The following TOGARAM1 variants were observed in gnomAD, a reference collection of about 807,000 sequenced individuals.
The protein encoded by TOGARAM1 is TOG array regulator of axonemal microtubules 1, also known as TOG array regulator of axonemal microtubules protein 1.
Under a neutral mutation model 166.6 loss-of-function variants are expected in TOGARAM1, and 100 were observed. The ratio of observed to expected loss-of-function variants is 0.60; its 90% CI spans 0.51 to 0.71. The LOEUF (loss-of-function observed/expected upper bound fraction) is 0.71, where lower values mean the gene tolerates loss of function less well. Among genes scored for constraint, TOGARAM1 ranks in the 30% least tolerant of loss-of-function variants. The pLI, the probability that TOGARAM1 is intolerant of heterozygous loss-of-function variation, is 0.00. For synonymous variants in TOGARAM1, 758 were observed against 763.8 expected, an observed-to-expected ratio of 0.99 and a Z score of 0.13; for missense variants, 2,029 against 2,102.7, an observed-to-expected ratio of 0.96 and a Z score of 0.69.
chr14:45,049,221 G>C (rs1882237525), intron 14 of TOGARAM1, among the ~76,000 whole-genome samples: 1 of 151,580 alleles, frequency 6.6e-6, no homozygotes. Flanking sequence ...CCCTTCATAG[G>C]ATCTTTCAGA....
chr14:44,988,644 T>A (rs1886979815), intron 1 of TOGARAM1, among the ~76,000 whole-genome samples: 1 of 152,242 alleles, frequency 6.6e-6, no homozygotes, highest in Non-Finnish European at 1.5e-5. Context: ...ATTCTTCCTT[T>A]GAAGAGTTGG....
At chr14:45,023,037 G>A (rs915418529) in intron 7 of TOGARAM1, 6 of 152,192 alleles carry the variant, frequency 3.9e-5, no homozygotes, top group African/African-American at 1.4e-4. Context: ...TCTAGTGCCT[G>A]ACTGAGGGCT....
chr14:45,044,997 A>G, intron 13 of TOGARAM1, 127 bp downstream of exon 13: 1 of 633,924 alleles, frequency 1.6e-6, no homozygotes, highest in Non-Finnish European at 2.6e-6. Flanking sequence ...AAAAGTTCCT[A>G]TGAGATAAAC....
intron 15 of TOGARAM1, among the ~76,000 whole-genome samples, chr14:45,053,257 T>C (rs1030409200): frequency 5.9e-5 from 9 of 152,184 alleles, no homozygotes; most frequent in South Asian, 2.1e-4. Flanking sequence ...GCCAGGCTTG[T>C]CTTGAACTCC....
At chr14:45,056,384 A>T (rs965150861) in intron 16 of TOGARAM1, among the ~76,000 whole-genome samples, 2 of 152,052 alleles carry the variant, frequency 1.3e-5, no homozygotes, top group African/African-American at 2.4e-5. Context: ...TGATTACTTT[A>T]TCTAGGACTT....
intron 1 of TOGARAM1, among the ~76,000 whole-genome samples, chr14:44,969,145 C>CCTTCCTTTCTTTCTTT (rs368091743): frequency 8.6e-6 from 1 of 116,298 alleles, no homozygotes; most frequent in Non-Finnish European, 1.7e-5. Flanking sequence ...TTCCTTCCTT[C>CCTTCCTTTCTTTCTTT]CTTTCTTTCT....
At chr14:45,066,030 TG>T (rs1309033215) in intron 16 of TOGARAM1, among the ~76,000 whole-genome samples, 1 of 152,202 alleles carries the variant, frequency 6.6e-6, no homozygotes, top group Non-Finnish European at 1.5e-5. Context: ...CTAAATTGTT[TG>T]GGCAAACAAT....
chr14:44,991,641 A>G (rs1443520113), intron 1 of TOGARAM1, among the ~76,000 whole-genome samples: 1 of 152,218 alleles, frequency 6.6e-6, no homozygotes, highest in Admixed American at 6.5e-5. Context: ...GTAAGGAACT[A>G]TGAGTCTAAA....
At chr14:45,004,803 G>A (rs1219361546) in intron 4 of TOGARAM1, among the ~76,000 whole-genome samples, 1 of 151,976 alleles carries the variant, frequency 6.6e-6, no homozygotes, top group African/African-American at 2.4e-5. Context: ...TTGTTTGAGA[G>A]CCTACTAACA....
intron 11 of TOGARAM1, 148 bp from the exon 12 acceptor site, chr14:45,043,538 C>A: frequency 1.6e-6 from 1 of 614,060 alleles, no homozygotes; most frequent in Non-Finnish European, 2.9e-6. Context: ...CCAACCTCTG[C>A]TAAACTCAAA....
chr14:45,041,680 C>T (rs1055002567), intron 11 of TOGARAM1, among the ~76,000 whole-genome samples: 1 of 152,220 alleles, frequency 6.6e-6, no homozygotes, highest in Non-Finnish European at 1.5e-5. Context: ...CTGAAATATA[C>T]TTCTCGCTCA....
rs1456870835 is a variant in TOGARAM1 at position 44,963,432 on chromosome 14, TGCA to T, written c.1013_1015del (p.Ala338del). The T allele has an allele frequency of 1.9e-6, 3 of 1,614,084 alleles. No individual in the cohort carries two copies. The African/African-American group carries it at 4.0e-5, about 22-fold the overall frequency. On this transcript the variant is annotated inframe_deletion, in exon 1 of 20. Transcript: ENST00000361462. ...GATTTCCTGAAGATCCCCTTCCCTG[TGCA>T]GTGACTCTTTCCAACAGCAATCTTA...
intron 13 of TOGARAM1, 47 bp downstream of exon 13, chr14:45,044,917 T>C (rs1312465094): frequency 3.5e-6 from 5 of 1,410,676 alleles, no homozygotes; most frequent in Non-Finnish European, 4.9e-6. Context: ...AAAAATGAAA[T>C]GTTGCAATCG....
Position 45,025,616 on chromosome 14 carries a change from T to C in TOGARAM1, c.3239-167T>C. ...TTTAAGTGCCTAGTCCATTCTAGTATTGCAGTTACAAACATTTATAATGAC... is the reference window on the plus strand; with the variant it reads ...TTTAAGTGCCTAGTCCATTCTAGTACTGCAGTTACAAACATTTATAATGAC... On this transcript the variant is annotated intron_variant, in intron 7 of 19. Transcript: ENST00000361462. 1.6e-5 allele frequency: 8 copies of C among 514,666 alleles called. 1 individual carries two copies. The South Asian group carries it at 1.7e-4, about 11-fold the overall frequency. The allele number at this position is 514,666 out of a possible 1,614,324, so 31.9% of individuals were successfully genotyped here. A position where few individuals can be genotyped will look rare whatever the true frequency, so the allele number is the denominator to read the frequency against.
At chr14:45,037,493 A>T (rs1881494251) in intron 11 of TOGARAM1, among the ~76,000 whole-genome samples, 1 of 152,180 alleles carries the variant, frequency 6.6e-6, no homozygotes, top group Admixed American at 6.5e-5. Context: ...AGGGGTAGGA[A>T]TTATGGATGC....
At chr14:45,019,018 C>A (rs757873724) in intron 7 of TOGARAM1, among the ~76,000 whole-genome samples, 2 of 152,184 alleles carry the variant, frequency 1.3e-5, no homozygotes, top group Non-Finnish European at 2.9e-5. Flanking sequence ...AAATCTGAAC[C>A]AGGTATTTAC....
chr14:45,027,343 T>C lies in TOGARAM1; in HGVS notation c.3373T>C (p.Ser1125Pro). 1 of 1,613,330 alleles carries C rather than the reference T, an allele frequency of 6.2e-7. No homozygotes were observed. The highest frequency in any genetic ancestry group is 8.5e-7 in the Non-Finnish European group (1 of 1,179,838). The part of the protein sequence containing the change: ...LSSAPATCSQ[S>P]VISSVENGDT... ...TTCAGCACCAGCAACCTGCAGCCAA[T>C]CAGTGATATCTTCTGTGGAAAATGG... Residue 1125 changes from serine to proline, a missense_variant, in exon 9 of 20, where the codon TCA becomes CCA. Coordinates refer to ENST00000361462, the MANE Select transcript of TOGARAM1 (RefSeq NM_001308120.2).
intron 1 of TOGARAM1, among the ~76,000 whole-genome samples, chr14:44,981,242 C>A (rs564988677): frequency 6.6e-6 from 1 of 152,118 alleles, no homozygotes; most frequent in Admixed American, 6.6e-5. Context: ...TTCTGGAAGT[C>A]GTGTGCTGAA....
intron 1 of TOGARAM1, chr14:44,978,085 G>A (rs1311845765): frequency 6.6e-6 from 1 of 152,152 alleles, no homozygotes; most frequent in Non-Finnish European, 1.5e-5. Context: ...AAACTGTAAT[G>A]GCAACATTCA....
Sources: allele counts gnomAD v4.1 joint callset (sites outside exome capture counted in the v4.1 genomes callset), GRCh38; gene constraint gnomAD v4.1.1; transcripts MANE v1.5; gene names NCBI Gene and HGNC (gene_info 2026-07-23, HGNC 2026-07-21).